The following IGFBP4 variants were observed in gnomAD, a reference collection of about 807,000 sequenced individuals.
The protein encoded by IGFBP4 is insulin like growth factor binding protein 4.
IGFBP4 carries 9 observed loss-of-function variants against 25.8 expected under a neutral mutation model. The ratio of observed to expected loss-of-function variants is 0.35; its 90% CI spans 0.21 to 0.61. The LOEUF is 0.61. Ranked by LOEUF, IGFBP4 falls within the 20% of genes least tolerant of loss-of-function variation. The probability of loss-of-function intolerance (pLI) is 0.77; values close to 1 mark genes in which losing one functional copy is unlikely to be tolerated. For synonymous variants in IGFBP4, 153 were observed against 153.9 expected (o/e 0.99, Z 0.05); for missense variants, 315 against 365.3 (o/e 0.86, Z 1.12).
At chr17:40,448,703 C>T (rs2035665005) in intron 1 of IGFBP4, among the ~76,000 whole-genome samples, 2 of 152,314 alleles carry the variant, frequency 1.3e-5, no homozygotes, top group East Asian at 1.9e-4. Context: ...CCCACAAAAA[C>T]CTGGTGCTTA....
At chr17:40,450,962 C>G (rs1327870812) in intron 1 of IGFBP4, among the ~76,000 whole-genome samples, 1 of 152,096 alleles carries the variant, frequency 6.6e-6, no homozygotes, top group Non-Finnish European at 1.5e-5. Flanking sequence ...ATCACTGGGG[C>G]AGCTTAGGTT....
At chr17:40,444,912 CACACACACACACACAGAGACAGAGAG>C (rs2035633313) in intron 1 of IGFBP4, among the ~76,000 whole-genome samples, 10 of 85,904 alleles carry the variant, frequency 1.2e-4, no homozygotes, top group African/African-American at 4.4e-4. Flanking sequence ...CACACACACA[CACACACACACACACAGAGACAGAGAG>C]AGAGAGAGAG....
At chr17:40,444,753 G>A (rs2035630852) in intron 1 of IGFBP4, among the ~76,000 whole-genome samples, 1 of 152,014 alleles carries the variant, frequency 6.6e-6, no homozygotes, top group Admixed American at 6.6e-5. Flanking sequence ...AGGCAGGTAG[G>A]ATTTGAGGTG....
At chr17:40,452,699 C>G (rs1027657474) in intron 1 of IGFBP4, among the ~76,000 whole-genome samples, 1 of 152,108 alleles carries the variant, frequency 6.6e-6, no homozygotes, top group African/African-American at 2.4e-5. Context: ...CCAGGGGACC[C>G]TCCTGCCATC....
intron 1 of IGFBP4, among the ~76,000 whole-genome samples, chr17:40,444,884 AACACACACACACAC>A (rs756211064): frequency 2.5e-3 from 201 of 80,332 alleles, no homozygotes; most frequent in Admixed American, 6.6e-3. Context: ...GAGAGAGAGA[AACACACACACACAC>A]ACACACACAC....
intron 3 of IGFBP4, 94 bp from the exon 4 acceptor site, chr17:40,456,355 G>T: frequency 1.5e-6 from 2 of 1,376,752 alleles, no homozygotes; most frequent in South Asian, 2.5e-5. Context: ...GCGACCGTCT[G>T]ACTTGGGGGC....
intron 1 of IGFBP4, among the ~76,000 whole-genome samples, chr17:40,452,165 A>G (rs1452050260): frequency 6.6e-6 from 1 of 152,208 alleles, no homozygotes; most frequent in South Asian, 2.1e-4. Context: ...GAGCTCAGAT[A>G]GAGCCTTCAG....
Position 40,443,965 on chromosome 17 carries a change from G to T in IGFBP4, c.230G>T (p.Gly77Val). 1 of 1,531,460 alleles carries T rather than the reference G, an allele frequency of 6.5e-7. No individual in the cohort carries two copies. The highest frequency in any genetic ancestry group is 2.5e-5 in the East Asian group (1 of 40,472). The allele number at this position is 1,531,460 out of a possible 1,614,324, so 94.9% of individuals were successfully genotyped here. A position where few individuals can be genotyped will look rare whatever the true frequency, so the allele number is the denominator to read the frequency against. ...GTGTACACCCCCCGTTGCGGCTCGGGCCTGCGCTGCTACCCGCCCCGAGGG... is the reference window on the plus strand; with the variant it reads ...GTGTACACCCCCCGTTGCGGCTCGGTCCTGCGCTGCTACCCGCCCCGAGGG... ...CGVYTPRCGS[G>V]LRCYPPRGVE... The change falls in exon 1 of 4, where the codon GGC (glycine) becomes GTC (valine). Residue 77 changes from glycine to valine, a missense_variant. Transcript: ENST00000269593.
rs2035713683 is a variant in IGFBP4, at chr17:40,456,321, A to G, written c.643-128A>G. The G allele has an allele frequency of 3.5e-6, 3 of 858,964 alleles. No individual in the cohort carries two copies. In the South Asian group the frequency reaches 5.0e-5, roughly 14 times the overall value. The allele number at this position is 858,964 out of a possible 1,614,324, so 53.2% of individuals were successfully genotyped here. A position where few individuals can be genotyped will look rare whatever the true frequency, so the allele number is the denominator to read the frequency against. ...GACCCATGCTCAAAAAAGAGTCACC[A>G]CCCTCAGAGGCCATCTTGAAGCAGC... On this transcript the variant is annotated intron_variant, in intron 3 of 3. Transcript: ENST00000269593.
At chr17:40,449,544 C>T (rs1050085239) in intron 1 of IGFBP4, among the ~76,000 whole-genome samples, 2 of 152,006 alleles carry the variant, frequency 1.3e-5, no homozygotes, top group Admixed American at 1.3e-4. Context: ...GTCAGGAGAT[C>T]GAGACCATCC....
At position 40,443,592 on chromosome 17, in the gene IGFBP4, C is replaced by T. The variant is rs2035621583; in HGVS notation, c.-144C>T. 1 of 216,158 alleles carries T rather than the reference C, an allele frequency of 4.6e-6. No individual in the cohort carries two copies. The highest frequency in any genetic ancestry group is 8.2e-6 in the Non-Finnish European group (1 of 121,582). The allele number at this position is 216,158 out of a possible 1,614,324, so 13.4% of individuals were successfully genotyped here. A position where few individuals can be genotyped will look rare whatever the true frequency, so the allele number is the denominator to read the frequency against. On this transcript the variant is annotated 5_prime_UTR_variant, in exon 1 of 4. Transcript: ENST00000269593. ...GCTACGTCCCCGTTCGCCCGCCGGG[C>T]CGCCCCGTCTCCCCGCGCCCTCCGG...
At position 40,451,820 on chromosome 17, in the gene IGFBP4, T is replaced by A. The variant is rs555182935; in HGVS notation, c.350-1165T>A. Among the ~76,000 whole-genome samples the A allele has an allele frequency of 3.9e-5, 6 of 152,234 alleles. No homozygotes were observed. The East Asian group carries it at 7.7e-4, about 20-fold the overall frequency. On this transcript the variant is annotated intron_variant, in intron 1 of 3. Transcript: ENST00000269593. ...ACTCAAGCATGGGGTTTTTCTTTTT[T>A]AAAAAAATGTATTTTATTTTATTTT...
At chr17:40,455,850 G>A (rs2035711466) in intron 3 of IGFBP4, among the ~76,000 whole-genome samples, 1 of 152,108 alleles carries the variant, frequency 6.6e-6, no homozygotes, top group East Asian at 1.9e-4. Flanking sequence ...TGATCCTTAA[G>A]CTATCCTTCA....
intron 1 of IGFBP4, among the ~76,000 whole-genome samples, chr17:40,449,105 A>G (rs879478456): frequency 2.0e-5 from 3 of 152,104 alleles, no homozygotes; most frequent in Non-Finnish European, 2.9e-5. Context: ...GGGGAACCTA[A>G]CAAGGGAGAA....
Position 40,443,833 on chromosome 17 carries a change from A to G in IGFBP4, c.98A>G (p.Glu33Gly), listed in dbSNP as rs2035624172. ...ATCCACTGCCCGCCCTGCTCCGAGG[A>G]GAAGCTGGCGCGCTGCCGCCCCCCC... The part of the protein sequence containing the change: ...EAIHCPPCSE[E>G]KLARCRPPVG... The change falls in exon 1 of 4, where the codon GAG (glutamate) becomes GGG (glycine). Residue 33 changes from glutamate (E) to glycine (G), a missense_variant. Transcript: ENST00000269593. 6.5e-7 allele frequency: 1 copy of G among 1,535,162 alleles called. No homozygotes were observed. Among genetic ancestry groups the G allele is most frequent in the Non-Finnish European group, 8.7e-7 (1 of 1,147,408 alleles).
Position 40,456,474 on chromosome 17 carries a change from G to A in IGFBP4, c.668G>A (p.Arg223His), listed in dbSNP as rs765360682. The change falls in exon 4 of 4, where the codon CGT becomes CAT. Residue 223 changes from arginine to histidine, a missense_variant. Transcript: ENST00000269593. ...KQCHPALDGQ[R>H]GKCWCVDRKT... ...TGTCACCCAGCTCTGGATGGGCAGCGTGGCAAGTGCTGGTGTGTGGACCGG... is the reference window on the plus strand; with the variant it reads ...TGTCACCCAGCTCTGGATGGGCAGCATGGCAAGTGCTGGTGTGTGGACCGG... 5.0e-6 allele frequency: 8 copies of A among 1,614,082 alleles called. No homozygotes were observed. The highest frequency in any genetic ancestry group is 1.1e-5 in the South Asian group (1 of 91,082).
intron 1 of IGFBP4, among the ~76,000 whole-genome samples, chr17:40,451,193 G>A (rs2035680584): frequency 6.6e-6 from 1 of 152,084 alleles, no homozygotes; most frequent in Non-Finnish European, 1.5e-5. Context: ...ACTTGATGTA[G>A]GACTGGAGTC....
At chr17:40,445,951 A>G (rs565134925) in intron 1 of IGFBP4, among the ~76,000 whole-genome samples, 7 of 152,218 alleles carry the variant, frequency 4.6e-5, no homozygotes, top group Admixed American at 2.6e-4. Flanking sequence ...GGAATACTCC[A>G]TCCTGTAGTG....
At position 40,456,736 on chromosome 17, in the gene IGFBP4, CGTGCGTGTGT is replaced by C. The variant is rs1401958261; in HGVS notation, c.*157_*166del. 3.0e-5 allele frequency: 21 copies of C among 697,044 alleles called. No homozygotes were observed. Among genetic ancestry groups the C allele is most frequent in the Middle Eastern group, 4.0e-4 (1 of 2,474 alleles). 43.2% of individuals were successfully genotyped at this position (697,044 alleles called of 1,614,324 possible). Reference sequence around the variant, plus strand: ...ATGCGCGTGTGCACGTGTGCGTGTGCGTGCGTGTGTGTGTGTTTGTGAGCATGGGTGTGCC... The same window carrying C: ...ATGCGCGTGTGCACGTGTGCGTGTGCGTGTGTTTGTGAGCATGGGTGTGCC... On this transcript the variant is annotated 3_prime_UTR_variant, in exon 4 of 4. Coordinates refer to ENST00000269593, the MANE Select transcript of IGFBP4 (RefSeq NM_001552.3).
Sources: allele counts gnomAD v4.1 joint callset (sites outside exome capture counted in the v4.1 genomes callset), GRCh38; gene constraint gnomAD v4.1.1; transcripts MANE v1.5; gene names NCBI Gene and HGNC (gene_info 2026-07-23, HGNC 2026-07-21).